Variants in ZNF808 observed in about 807,000 individuals in gnomAD.
ZNF808 encodes the protein zinc finger protein 808.
ZNF808 carries 5 observed loss-of-function variants against 8.7 expected under a neutral mutation model. That is an observed-to-expected ratio of 0.58 (90% CI 0.30 to 1.21). The LOEUF is 1.21. Among genes scored for constraint, ZNF808 ranks in the 50% most tolerant of loss-of-function variants. ZNF808 has a pLI of 0.07. For synonymous variants in ZNF808, 380 were observed against 366.0 expected, an observed-to-expected ratio of 1.04 and a Z score of -0.44; for missense variants, 1,103 against 1,098.4, an observed-to-expected ratio of 1.00 and a Z score of -0.06.
chr19:52,556,601 G>C (rs527512579), downstream of ZNF808: 58 of 152,188 alleles, frequency 3.8e-4, no homozygotes, highest in Admixed American at 3.1e-3. Context: ...TGGGATTACA[G>C]GCATGAGCCA....
At chr19:52,547,745 T>C in intron 4 of ZNF808, 107 bp downstream of exon 4, 3 of 1,501,560 alleles carry the variant, frequency 2.0e-6, no homozygotes, top group South Asian at 2.6e-5. Context: ...GCTGGTTTTT[T>C]TTTTTTTTTT....
intron 4 of ZNF808, 23 bp from the exon 5 acceptor site, chr19:52,553,084 G>A (rs2059793366): frequency 6.6e-7 from 1 of 1,525,200 alleles, no homozygotes; most frequent in Non-Finnish European, 8.8e-7. Context: ...AATTGGAAAT[G>A]TATTGGTGTT....
chr19:52,540,568 A>G (rs1318579013), intron 2 of ZNF808, among the ~76,000 whole-genome samples: 1 of 152,170 alleles, frequency 6.6e-6, no homozygotes, highest in South Asian at 2.1e-4. Context: ...ATGAAAATTC[A>G]GTTGAAGTAG....
Position 52,556,218 on chromosome 19 carries a change from G to A in ZNF808, c.*590G>A. On this transcript the variant is annotated 3_prime_UTR_variant, in exon 5 of 5. Transcript: ENST00000359798. Reference sequence around the variant, plus strand: ...CTCAGGCCTGTAATCCCAGCACGTTGGAAGACCAAGGCACATAGGTCACTT... The same window carrying A: ...CTCAGGCCTGTAATCCCAGCACGTTAGAAGACCAAGGCACATAGGTCACTT... The A allele has an allele frequency of 4.2e-6, 1 of 239,122 alleles. No individual in the cohort carries two copies. The highest frequency in any genetic ancestry group is 8.4e-6 in the Non-Finnish European group (1 of 118,586). The allele number at this position is 239,122 out of a possible 1,614,324, so 14.8% of individuals were successfully genotyped here. A position where few individuals can be genotyped will look rare whatever the true frequency, so the allele number is the denominator to read the frequency against.
At chr19:52,539,545 GTGGTTTTTTTTTT>G (rs1288245944) in intron 2 of ZNF808, among the ~76,000 whole-genome samples, 2 of 84,238 alleles carry the variant, frequency 2.4e-5, no homozygotes, top group Admixed American at 1.5e-4. Context: ...TTTTGTTGTG[GTGGTTTTTTTTTT>G]TTTTTTTTTT....
At chr19:52,544,203 T>C (rs2059699744) in intron 3 of ZNF808, among the ~76,000 whole-genome samples, 1 of 152,050 alleles carries the variant, frequency 6.6e-6, no homozygotes, top group East Asian at 1.9e-4. Context: ...TGTGGCTTAG[T>C]TCTGGAGTAC....
At chr19:52,536,585 G>A (rs530354152) in intron 2 of ZNF808, among the ~76,000 whole-genome samples, 1 of 152,316 alleles carries the variant, frequency 6.6e-6, no homozygotes, top group South Asian at 2.1e-4. Flanking sequence ...GCGTAGGGCA[G>A]GTCCCAGCGG....
chr19:52,550,155 T>TG (rs1311169638), intron 4 of ZNF808, among the ~76,000 whole-genome samples: 1 of 152,084 alleles, frequency 6.6e-6, no homozygotes, highest in Non-Finnish European at 1.5e-5. Flanking sequence ...ATGTGCAAAC[T>TG]GGGGTCATGT....
downstream of ZNF808, among the ~76,000 whole-genome samples, chr19:52,561,212 C>CTCTA (rs1568495016): frequency 5.0e-4 from 20 of 40,022 alleles, no homozygotes; most frequent in Admixed American, 1.8e-3. Flanking sequence ...CTCTCTCTCT[C>CTCTA]TATATATATA....
intron 4 of ZNF808, among the ~76,000 whole-genome samples, chr19:52,548,241 A>G (rs2059742542): frequency 3.3e-5 from 5 of 152,204 alleles, no homozygotes; most frequent in African/African-American, 7.2e-5. Flanking sequence ...TTTCACACCA[A>G]TATGTGTCAC....
downstream of ZNF808, among the ~76,000 whole-genome samples, chr19:52,565,368 A>T (rs2059870660): frequency 6.6e-6 from 1 of 152,192 alleles, no homozygotes; most frequent in Admixed American, 6.5e-5. Flanking sequence ...CCAAAGAGAA[A>T]AGTCAAGCTG....
Position 52,556,174 on chromosome 19 carries a change from A to T in ZNF808, c.*546A>T, listed in dbSNP as rs1007053161. On this transcript the variant is annotated 3_prime_UTR_variant, in exon 5 of 5. Coordinates refer to ENST00000359798, the MANE Select transcript of ZNF808 (RefSeq NM_001039886.4). ...ACATTCAAGTGTTTATGTTAAGAGG[A>T]TGGGGCCAGGTGTGGTGGCTCAGGC... The T allele has an allele frequency of 2.6e-5, 9 of 350,982 alleles. 1 individual carries two copies. The East Asian group carries it at 5.6e-4, about 22-fold the overall frequency. 21.7% of individuals were successfully genotyped at this position (350,982 alleles called of 1,614,324 possible). A position where few individuals can be genotyped will look rare whatever the true frequency, so the allele number is the denominator to read the frequency against.
intron 3 of ZNF808, among the ~76,000 whole-genome samples, chr19:52,546,586 C>T (rs927505669): frequency 1.5e-4 from 23 of 151,176 alleles, no homozygotes; most frequent in African/African-American, 5.6e-4. Flanking sequence ...GACTAAATAT[C>T]GCCTTGTATG....
At chr19:52,545,270 A>G (rs1223449487) in intron 3 of ZNF808, among the ~76,000 whole-genome samples, 2 of 152,138 alleles carry the variant, frequency 1.3e-5, no homozygotes, top group African/African-American at 2.4e-5. Context: ...CCCAGATTAC[A>G]GTGATTCTGT....
chr19:52,543,538 C>T (rs768194031), intron 3 of ZNF808, among the ~76,000 whole-genome samples, 191 bp downstream of exon 3: 2 of 152,154 alleles, frequency 1.3e-5, no homozygotes, highest in Non-Finnish European at 2.9e-5. Context: ...ATTCCATCTC[C>T]TGTGACCCAG....
intron 3 of ZNF808, among the ~76,000 whole-genome samples, chr19:52,545,163 T>C (rs979772978): frequency 6.6e-6 from 1 of 152,174 alleles, no homozygotes; most frequent in Non-Finnish European, 1.5e-5. Context: ...TATTACATCA[T>C]TGATTTTATT....
At chr19:52,540,837 A>C (rs397833425) in intron 2 of ZNF808, among the ~76,000 whole-genome samples, 13 of 152,128 alleles carry the variant, frequency 8.5e-5, no homozygotes, top group East Asian at 1.9e-4. Context: ...GTGTATTTTG[A>C]ACATTTTTCT....
At chr19:52,532,426 C>T (rs1194921522) in intron 1 of ZNF808, among the ~76,000 whole-genome samples, 7 of 151,962 alleles carry the variant, frequency 4.6e-5, no homozygotes, top group East Asian at 3.8e-4. Flanking sequence ...CTCTGTGCTA[C>T]GATTATTTGA....
chr19:52,544,139 A>T (rs1599993362), intron 3 of ZNF808, among the ~76,000 whole-genome samples: 1 of 152,108 alleles, frequency 6.6e-6, no homozygotes, highest in South Asian at 2.1e-4. Flanking sequence ...AGCCTGGGAG[A>T]TGGAGCGAGA....
Sources: gnomAD v4.1 joint callset for allele counts (sites outside exome capture counted in the v4.1 genomes callset) on GRCh38, gnomAD v4.1.1 for gene constraint, MANE v1.5 for transcripts, NCBI Gene and HGNC (gene_info 2026-07-23, HGNC 2026-07-21) for gene names.